CYLD: variants seen among roughly 807,000 people sequenced by gnomAD.
CYLD encodes CYLD lysine 63 deubiquitinase.
A neutral mutation model predicts 104.5 loss-of-function variants in CYLD; 26 were observed. The observed-to-expected ratio is 0.25, with a 90% CI of 0.18 to 0.35. The LOEUF (loss-of-function observed/expected upper bound fraction) is 0.35. Among genes scored for constraint, CYLD ranks in the 10% least tolerant of loss-of-function variants. CYLD has a pLI of 1.00. For synonymous variants in CYLD, 385 were observed against 399.9 expected (o/e 0.96, Z 0.45); for missense variants, 703 against 1,136.1 (o/e 0.62, Z 5.48).
intron 10 of CYLD, among the ~76,000 whole-genome samples, chr16:50,781,733 T>TA (rs1970234237): frequency 6.6e-6 from 1 of 152,134 alleles, no homozygotes; most frequent in South Asian, 2.1e-4. Context: ...TTTTTTTTTT[T>TA]ACTGACTTCC....
intron 5 of CYLD, among the ~76,000 whole-genome samples, chr16:50,760,648 T>A (rs1967800785): frequency 6.6e-6 from 1 of 152,228 alleles, no homozygotes; most frequent in Non-Finnish European, 1.5e-5. Flanking sequence ...AGTGTATAAT[T>A]TTCCATTGTA....
At position 50,794,455 on chromosome 16, in the gene CYLD, G is replaced by T. The variant is rs1250765483; in HGVS notation, c.2686+27G>T. The T allele has an allele frequency of 6.2e-7, 1 of 1,605,244 alleles. No homozygotes were observed. The highest frequency in any genetic ancestry group is 1.7e-5 in the Admixed American group (1 of 60,020). Reference sequence around the variant, plus strand: ...TACTGAAAACGCCTTTCTTCTGCATGTGGCACAGGGTTCTGGTTTGTAGTG... The same window carrying T: ...TACTGAAAACGCCTTTCTTCTGCATTTGGCACAGGGTTCTGGTTTGTAGTG... On this transcript the variant is annotated intron_variant, in intron 18 of 18. Transcript: ENST00000427738. This position sits in a 1 kb window ranked among gnomAD's most constrained non-coding sequence, Gnocchi z 4.1.
chr16:50,771,818 T>C (rs757077557), intron 5 of CYLD, among the ~76,000 whole-genome samples: 4 of 152,190 alleles, frequency 2.6e-5, no homozygotes, highest in Non-Finnish European at 5.9e-5. Flanking sequence ...AAAAGACTCT[T>C]TCTTCCATTG....
At chr16:50,775,610 G>T (rs1298670930) in intron 6 of CYLD, among the ~76,000 whole-genome samples, 1 of 152,094 alleles carries the variant, frequency 6.6e-6, no homozygotes, top group African/African-American at 2.4e-5. Context: ...CTGTGTTCAT[G>T]AAATAATATT....
At chr16:50,787,257 G>A (rs1567453766) in intron 13 of CYLD, 1 of 342,748 alleles carries the variant, frequency 2.9e-6, no homozygotes, top group Non-Finnish European at 5.4e-6. Flanking sequence ...GTGCAGAGTT[G>A]CATTGGGTTT....
intron 8 of CYLD, 77 bp downstream of exon 8, chr16:50,778,018 A>G (rs1567445049): frequency 2.4e-6 from 2 of 850,150 alleles, no homozygotes; most frequent in Non-Finnish European, 4.0e-6. Flanking sequence ...TTTTATATCA[A>G]TATTTGTAGT....
In CYLD at chr16:50,776,212, T is replaced by G. The variant is rs1490126057; in HGVS notation, c.956T>G (p.Leu319Arg). ...SVTQERRPPK[L>R]AFMSRGVGDK... ...ACGCAGGAAAGGAGGCCTCCCAAAC[T>G]TGCCTTTATGTCAAGAGGTGTTGGG... Residue 319 changes from leucine to arginine, a missense_variant, in exon 7 of 19, where the codon CTT becomes CGT. Physicochemically the swap from Leu to Arg is moderately radical, Grantham distance 102. This residue lies in a region of CYLD where 123 missense variants were observed against 213.3 expected (regional missense o/e 0.58). Coordinates refer to ENST00000427738, the MANE Select transcript of CYLD (RefSeq NM_001378743.1). 3 of 1,613,432 alleles carry G rather than the reference T, an allele frequency of 1.9e-6. No individual in the cohort carries two copies. The highest frequency in any genetic ancestry group is 2.7e-5 in the African/African-American group (2 of 74,882).
intron 5 of CYLD, among the ~76,000 whole-genome samples, chr16:50,755,096 T>C (rs186475762): frequency 2.4e-4 from 29 of 120,312 alleles, no homozygotes; most frequent in South Asian, 9.5e-4. Context: ...CATATATACA[T>C]ACATATATAC....
At position 50,750,115 on chromosome 16, in the gene CYLD, A is replaced by G; in HGVS notation, c.417A>G (p.Glu139=). 2 of 1,614,162 alleles carry G rather than the reference A, an allele frequency of 1.2e-6. No individual in the cohort carries two copies. The highest frequency in any genetic ancestry group is 4.5e-5 in the East Asian group (2 of 44,878). The change falls in exon 3 of 19, where the codon GAA becomes GAG. Residue 139 remains glutamate (E), a synonymous_variant. Coordinates refer to ENST00000427738, the MANE Select transcript of CYLD (RefSeq NM_001378743.1). ...TGAAAGTACAGCTGAGATCTGGGGA[A>G]GAAAAATTTCCTGGAGTTGTACGCT... ...CPVKVQLRSG[E]EKFPGVVRFR... is the part of the protein sequence containing the mutation.
intron 2 of CYLD, among the ~76,000 whole-genome samples, chr16:50,743,286 C>T (rs7199842): frequency 0.011 from 1,639 of 152,286 alleles, 34 homozygotes; most frequent in African/African-American, 0.037. Context: ...CTACACACCC[C>T]CTCACGCCCC....
chr16:50,772,491 G>C (rs1158310672), intron 5 of CYLD, among the ~76,000 whole-genome samples: 3 of 152,276 alleles, frequency 2.0e-5, no homozygotes, highest in African/African-American at 7.2e-5. Context: ...ATAGATATTA[G>C]AGATTATTTC....
At chr16:50,763,703 T>C (rs1196899913) in intron 5 of CYLD, among the ~76,000 whole-genome samples, 3 of 152,226 alleles carry the variant, frequency 2.0e-5, no homozygotes, top group African/African-American at 7.2e-5. Flanking sequence ...AATAACAGTT[T>C]TGCCTCTTCT....
chr16:50,792,212 A>C (rs1344303607), intron 15 of CYLD, among the ~76,000 whole-genome samples: 3 of 152,230 alleles, frequency 2.0e-5, no homozygotes, highest in Admixed American at 6.5e-5. Flanking sequence ...AAACCTTAAC[A>C]GCCACAGTTA....
chr16:50,749,149 C>T lies in CYLD; in HGVS notation c.-123-427C>T, dbSNP rs567631090. 2.0e-5 allele frequency among the ~76,000 whole-genome samples: 3 copies of T among 152,234 alleles called. No homozygotes were observed. In the South Asian group the frequency reaches 6.2e-4, roughly 32 times the overall value. ...CCTGGAAGGTCTTGGCCACAGTGAA[C>T]TGTGATTGTGCCACTGCAGTCCAGC... On this transcript the variant is annotated intron_variant, in intron 2 of 18. Transcript: ENST00000427738.
At chr16:50,766,313 A>G (rs544640805) in intron 5 of CYLD, among the ~76,000 whole-genome samples, 1 of 152,332 alleles carries the variant, frequency 6.6e-6, no homozygotes, top group East Asian at 1.9e-4. Context: ...TGTTTATAGC[A>G]TGCTTAACTG....
intron 2 of CYLD, among the ~76,000 whole-genome samples, chr16:50,747,891 T>C (rs8060598): frequency 0.36 from 54,467 of 152,122 alleles, 10,555 homozygotes; most frequent in Admixed American, 0.44. Flanking sequence ...GTGCCTAACC[T>C]GTATCCTGTC....
rs905719472 is a variant in CYLD, at chr16:50,793,446, T to G, written c.2351-100T>G. The G allele has an allele frequency of 6.9e-5, 58 of 843,760 alleles. 1 individual carries two copies. Among genetic ancestry groups the G allele is most frequent in the Admixed American group, 1.9e-4 (11 of 58,994 alleles). The allele number at this position is 843,760 out of a possible 1,614,324, so 52.3% of individuals were successfully genotyped here. ...AGAGACTTTTTTGAAGCCATGAACA[T>G]TGTCCTTTTTAAAGCCTAACTTTTC... On this transcript the variant is annotated intron_variant, in intron 16 of 18. Coordinates refer to ENST00000427738, the MANE Select transcript of CYLD (RefSeq NM_001378743.1).
rs1966920553 is a variant in CYLD at position 50,755,044 on chromosome 16, T to TATATATGTATATATAC, written c.913+626_913+641dup. ...ATATACATATATATGTATATATACA[T>TATATATGTATATATAC]ATATATGTATATATACATATAGATA... is the stretch of plus-strand genomic sequence containing the variant. On this transcript the variant is annotated intron_variant, in intron 5 of 18. Coordinates refer to ENST00000427738, the MANE Select transcript of CYLD (RefSeq NM_001378743.1). Among the ~76,000 whole-genome samples, 3 of 101,666 alleles carry TATATATGTATATATAC rather than the reference T, an allele frequency of 3.0e-5. 1 individual carries two copies. Among genetic ancestry groups the TATATATGTATATATAC allele is most frequent in the African/African-American group, 1.2e-4 (3 of 24,202 alleles). 66.7% of individuals were successfully genotyped at this position (101,666 alleles called of 152,430 possible). A position where few individuals can be genotyped will look rare whatever the true frequency, so the allele number is the denominator to read the frequency against.
Position 50,796,732 on chromosome 16 carries a change from T to A in CYLD, c.*224T>A. On this transcript the variant is annotated 3_prime_UTR_variant, in exon 19 of 19. Coordinates refer to ENST00000427738, the MANE Select transcript of CYLD (RefSeq NM_001378743.1). ...AGAAAGTATGTTTGTGTTGGTTTTT[T>A]AAGAAGTCTAAATGAAGTTATTAAT... The A allele has an allele frequency of 1.8e-6, 1 of 550,066 alleles. No homozygotes were observed. Among genetic ancestry groups the A allele is most frequent in the Non-Finnish European group, 3.3e-6 (1 of 304,838 alleles). 34.1% of individuals were successfully genotyped at this position (550,066 alleles called of 1,614,324 possible).
Sources: allele counts gnomAD v4.1 joint callset (sites outside exome capture counted in the v4.1 genomes callset), GRCh38; gene constraint gnomAD v4.1.1; regional missense constraint gnomAD v4.1.1; non-coding constraint Gnocchi (gnomAD v3.1); transcripts MANE v1.5; gene names NCBI Gene and HGNC (gene_info 2026-07-23, HGNC 2026-07-21).